Variants in PATJ observed in about 807,000 individuals in gnomAD.
The protein encoded by PATJ is PATJ crumbs cell polarity complex component.
Under a neutral mutation model 224.9 loss-of-function variants are expected in PATJ, and 190 were observed. The ratio of observed to expected loss-of-function variants is 0.84; its 90% CI spans 0.75 to 0.95. PATJ has a LOEUF of 0.95. Ranked by LOEUF, PATJ falls within the 40% of genes least tolerant of loss-of-function variation. The probability of loss-of-function intolerance (pLI) is 0.00; values close to 1 mark genes in which losing one functional copy is unlikely to be tolerated. For missense variants in PATJ, 2,121 were observed against 2,270.3 expected, an observed-to-expected ratio of 0.93 and a Z score of 1.34; for synonymous variants, 769 against 820.3, an observed-to-expected ratio of 0.94 and a Z score of 1.07.
intron 33 of PATJ, among the ~76,000 whole-genome samples, chr1:62,099,730 T>G (rs1270781909): frequency 3.3e-5 from 5 of 152,186 alleles, no homozygotes; most frequent in Non-Finnish European, 7.4e-5. Context: ...GTTAAAACAA[T>G]CTACTAAATA....
chr1:61,801,449 G>A (rs986777381), intron 11 of PATJ, among the ~76,000 whole-genome samples, 174 bp from the exon 12 acceptor site: 7 of 152,160 alleles, frequency 4.6e-5, no homozygotes, highest in Admixed American at 3.3e-4. Flanking sequence ...ATTACACATG[G>A]CATTTTGGGT....
intron 10 of PATJ, among the ~76,000 whole-genome samples, chr1:61,796,739 T>C (rs1453261185): frequency 1.2e-5 from 1 of 80,550 alleles, no homozygotes; most frequent in Admixed American, 1.5e-4. Flanking sequence ...TTTCTTTCTT[T>C]CTTTTTTTTC....
At chr1:61,934,795 A>C (rs1676591352) in intron 27 of PATJ, among the ~76,000 whole-genome samples, 1 of 152,194 alleles carries the variant, frequency 6.6e-6, no homozygotes, top group South Asian at 2.1e-4. Flanking sequence ...GGCCGAATTA[A>C]TGGCAGAGGG....
At chr1:62,017,157 A>G (rs1646814115) in intron 28 of PATJ, among the ~76,000 whole-genome samples, 1 of 152,112 alleles carries the variant, frequency 6.6e-6, no homozygotes, top group Admixed American at 6.6e-5. Context: ...CCACTTAACA[A>G]TCATTAGACT....
At chr1:61,977,805 G>A (rs1050361226) in intron 27 of PATJ, among the ~76,000 whole-genome samples, 1 of 151,444 alleles carries the variant, frequency 6.6e-6, no homozygotes, top group African/African-American at 2.4e-5. Context: ...CCTGCGGCCA[G>A]GAGTTTGAGG....
chr1:61,831,948 G>C (rs527866487), intron 16 of PATJ, among the ~76,000 whole-genome samples: 128 of 152,274 alleles, frequency 8.4e-4, no homozygotes, highest in Non-Finnish European at 1.4e-3. Context: ...CAGTGGACTA[G>C]GTAAAGAAAA....
chr1:61,969,008 A>G (rs1434108857), intron 27 of PATJ, among the ~76,000 whole-genome samples: 1 of 152,236 alleles, frequency 6.6e-6, no homozygotes, highest in African/African-American at 2.4e-5. Flanking sequence ...CTTATTTCAC[A>G]TAGCATAATT....
intron 43 of PATJ, among the ~76,000 whole-genome samples, chr1:62,159,672 G>C (rs901788767): frequency 6.6e-6 from 1 of 150,562 alleles, no homozygotes; most frequent in African/African-American, 2.4e-5. Flanking sequence ...TCCTGCCTCA[G>C]CCTCCCGAGG....
chr1:62,139,437 C>A (rs1290209350), intron 41 of PATJ, among the ~76,000 whole-genome samples: 1 of 144,916 alleles, frequency 6.9e-6, no homozygotes, highest in Non-Finnish European at 1.5e-5. Flanking sequence ...GAGCAAACTT[C>A]TCATTAGACT....
chr1:61,924,807 C>G (rs969437577), intron 26 of PATJ, among the ~76,000 whole-genome samples: 1 of 152,128 alleles, frequency 6.6e-6, no homozygotes, highest in Non-Finnish European at 1.5e-5. Flanking sequence ...CTGCTTCTGT[C>G]CTGCAGCTAT....
At chr1:61,828,914 AT>A (rs1658810351) in intron 16 of PATJ, among the ~76,000 whole-genome samples, 2 of 152,048 alleles carry the variant, frequency 1.3e-5, no homozygotes, top group Non-Finnish European at 2.9e-5. Context: ...TTCTGTTCAT[AT>A]TTTTCCTTTG....
chr1:61,911,695 T>TTTTTTA (rs770166083), intron 25 of PATJ, among the ~76,000 whole-genome samples: 1 of 140,602 alleles, frequency 7.1e-6, no homozygotes, highest in South Asian at 2.3e-4. Flanking sequence ...CTATATATTT[T>TTTTTTA]TATATATATA....
intron 41 of PATJ, among the ~76,000 whole-genome samples, chr1:62,140,253 G>A (rs999943717): frequency 8.5e-5 from 13 of 152,110 alleles, no homozygotes; most frequent in Non-Finnish European, 1.5e-4. Context: ...TTTTCATTTC[G>A]GGGTGGAGGA....
At chr1:61,855,810 T>G (rs1663562262) in intron 17 of PATJ, among the ~76,000 whole-genome samples, 2 of 152,154 alleles carry the variant, frequency 1.3e-5, no homozygotes, top group African/African-American at 4.8e-5. Context: ...TCCTCCCACC[T>G]CAGCCTCCCA....
At chr1:61,888,648 C>G (rs997275961) in intron 22 of PATJ, among the ~76,000 whole-genome samples, 2 of 152,162 alleles carry the variant, frequency 1.3e-5, no homozygotes, top group Non-Finnish European at 2.9e-5. Context: ...GACTGCTTCT[C>G]TAAACTGTAG....
chr1:62,153,998 G>C (rs958408329), intron 43 of PATJ, among the ~76,000 whole-genome samples: 1 of 151,976 alleles, frequency 6.6e-6, no homozygotes, highest in Non-Finnish European at 1.5e-5. Context: ...CTGCCTCCCC[G>C]GGTTCAAGCA....
chr1:61,777,975 G>T (rs970043277), intron 7 of PATJ, among the ~76,000 whole-genome samples: 1 of 151,964 alleles, frequency 6.6e-6, no homozygotes, highest in African/African-American at 2.4e-5. Flanking sequence ...TGCCTCTGGG[G>T]CTCAAGTGAT....
chr1:62,085,133 ACACCT>A (rs1259665148), intron 33 of PATJ, among the ~76,000 whole-genome samples: 1 of 152,142 alleles, frequency 6.6e-6, no homozygotes, highest in East Asian at 1.9e-4. Context: ...ATGGTGGTGC[ACACCT>A]ATAGTCCCAG....
At chr1:61,983,316 T>C (rs1348180304) in intron 27 of PATJ, among the ~76,000 whole-genome samples, 1 of 151,514 alleles carries the variant, frequency 6.6e-6, no homozygotes, top group Non-Finnish European at 1.5e-5. Flanking sequence ...TTTTATTCTC[T>C]TATTATTATG....
Sources: allele counts gnomAD v4.1 joint callset (sites outside exome capture counted in the v4.1 genomes callset), GRCh38; gene constraint gnomAD v4.1.1; transcripts MANE v1.5; gene names NCBI Gene and HGNC (gene_info 2026-07-23, HGNC 2026-07-21).